Variants in ZNF717 observed in about 807,000 individuals in gnomAD.
ZNF717 encodes zinc finger protein 717.
Under a neutral mutation model 13.8 loss-of-function variants are expected in ZNF717, and 9 were observed. The ratio of observed to expected loss-of-function variants is 0.65; its 90% CI spans 0.39 to 1.14. The LOEUF (loss-of-function observed/expected upper bound fraction) is 1.14. Among genes scored for constraint, ZNF717 ranks in the 50% most tolerant of loss-of-function variants. The pLI is 0.01. For synonymous variants in ZNF717, 327 were observed against 364.1 expected (o/e 0.90, Z 1.16); for missense variants, 1,040 against 1,080.7 (o/e 0.96, Z 0.53).
intron 2 of ZNF717, among the ~76,000 whole-genome samples, chr3:75,759,469 AT>A (rs1942787765): frequency 8.8e-6 from 1 of 114,116 alleles, no homozygotes; most frequent in African/African-American, 2.9e-5. Context: ...TAGATACGGC[AT>A]TTCACTGTGT....
At chr3:75,754,320 TG>T (rs1387768526) in intron 2 of ZNF717, among the ~76,000 whole-genome samples, 1 of 146,754 alleles carries the variant, frequency 6.8e-6, no homozygotes, top group Non-Finnish European at 1.5e-5. Context: ...CCTGGAATTA[TG>T]GGGAAAAAAT....
intron 6 of ZNF717, among the ~76,000 whole-genome samples, chr3:75,699,693 C>T (rs1386042362): frequency 2.0e-5 from 3 of 152,368 alleles, no homozygotes; most frequent in African/African-American, 7.2e-5. Flanking sequence ...CCAATTAAAC[C>T]TATTTTCTTT....
chr3:75,701,937 C>A (rs1937705300), intron 6 of ZNF717, among the ~76,000 whole-genome samples: 1 of 152,386 alleles, frequency 6.6e-6, no homozygotes. Flanking sequence ...AATGAGATAT[C>A]ATTTCACCCC....
At chr3:75,755,389 T>A (rs1942384508) in intron 2 of ZNF717, among the ~76,000 whole-genome samples, 1 of 152,194 alleles carries the variant, frequency 6.6e-6, no homozygotes, top group South Asian at 2.1e-4. Context: ...ACAAGTGAAA[T>A]GAGTAACACT....
At chr3:75,733,000 G>A (rs1483154845), downstream of ZNF717, among the ~76,000 whole-genome samples, 3 of 152,168 alleles carry the variant, frequency 2.0e-5, no homozygotes, top group African/African-American at 7.2e-5. Context: ...TTCAAGAACA[G>A]ATAGGCAATG....
rs1945095343 is a variant in ZNF717, at chr3:75,785,432, CA to C, written c.-52del. ...CGCGATGCGCCCACGCGTCTGCTCC[CA>C]CAACTGGGGAACACTGGTCCGGCCC... On this transcript the variant is annotated 5_prime_UTR_variant, in exon 1 of 5. An upstream open reading frame in the 5' UTR gains an earlier in-frame stop. Coordinates refer to ENST00000652011, the MANE Select transcript of ZNF717 (RefSeq NM_001290208.3). 1 of 152,964 alleles carries C rather than the reference CA, an allele frequency of 6.5e-6. No individual in the cohort carries two copies. Among genetic ancestry groups the C allele is most frequent in the Non-Finnish European group, 1.5e-5 (1 of 68,640 alleles). The allele number at this position is 152,964 out of a possible 1,614,324, so 9.5% of individuals were successfully genotyped here. A position where few individuals can be genotyped will look rare whatever the true frequency, so the allele number is the denominator to read the frequency against.
downstream of ZNF717, chr3:75,732,129 A>C (rs1382823972): frequency 1.6e-5 from 11 of 702,816 alleles, no homozygotes; most frequent in Non-Finnish European, 2.9e-5. Context: ...CACCTTTGGG[A>C]AGGAAAAAGG....
chr3:75,728,704 A>C (rs1938353797), downstream of ZNF717, among the ~76,000 whole-genome samples: 1 of 152,218 alleles, frequency 6.6e-6, no homozygotes, highest in African/African-American at 2.4e-5. Context: ...GCTCTCTGCC[A>C]TTATTGTAAG....
chr3:75,768,040 C>T (rs546097865), intron 2 of ZNF717, among the ~76,000 whole-genome samples: 2 of 152,146 alleles, frequency 1.3e-5, no homozygotes, highest in African/African-American at 4.8e-5. Flanking sequence ...AAGGCACAAA[C>T]GCCATTCTCA....
intron 2 of ZNF717, among the ~76,000 whole-genome samples, chr3:75,746,627 G>A (rs1317884930): frequency 6.6e-6 from 1 of 152,148 alleles, no homozygotes; most frequent in Non-Finnish European, 1.5e-5. Flanking sequence ...TTTCTCTGAT[G>A]GCCAGTGATG....
downstream of ZNF717, among the ~76,000 whole-genome samples, chr3:75,731,517 C>T (rs1938548480): frequency 6.6e-6 from 1 of 151,426 alleles, no homozygotes; most frequent in Non-Finnish European, 1.5e-5. Flanking sequence ...GCTGAGATTG[C>T]ACCACTGCAC....
intron 2 of ZNF717, among the ~76,000 whole-genome samples, chr3:75,746,194 G>C (rs1305831856): frequency 6.6e-6 from 1 of 152,164 alleles, no homozygotes; most frequent in Non-Finnish European, 1.5e-5. Context: ...CCCTACAAAG[G>C]ACATGAACTT....
At chr3:75,730,052 A>G (rs1418432671) in exon 6 of ZNF717, 1 of 152,330 alleles carries the variant, frequency 6.6e-6, no homozygotes, top group Non-Finnish European at 1.5e-5. Flanking sequence ...CTACAGATAC[A>G]AAAAGCTGAG....
At chr3:75,702,385 C>A (rs1489357543) in intron 6 of ZNF717, among the ~76,000 whole-genome samples, 1 of 152,302 alleles carries the variant, frequency 6.6e-6, no homozygotes, top group African/African-American at 2.4e-5. Context: ...ACAAATGTGA[C>A]ACGTTCTCAC....
At chr3:75,701,536 G>A (rs1374837392) in intron 6 of ZNF717, among the ~76,000 whole-genome samples, 1 of 146,876 alleles carries the variant, frequency 6.8e-6, no homozygotes, top group Non-Finnish European at 1.5e-5. Flanking sequence ...AGGCATGGGG[G>A]CAAAATTTAG....
rs1939283562 is a variant in ZNF717, at chr3:75,736,742, A to G, written c.*136T>C. ...ATGGGAACAACAAAGCCTGCATGAT[A>G]GGACTTCTGTTACAGCATGGTTAAG... is the stretch of plus-strand genomic sequence containing the variant. On this transcript the variant is annotated 3_prime_UTR_variant, in exon 5 of 5. Coordinates refer to ENST00000652011, the MANE Select transcript of ZNF717 (RefSeq NM_001290208.3). 1 of 887,884 alleles carries G rather than the reference A, an allele frequency of 1.1e-6. No homozygotes were observed. Among genetic ancestry groups the G allele is most frequent in the African/African-American group, 1.7e-5 (1 of 58,534 alleles). The allele number at this position is 887,884 out of a possible 1,614,324, so 55.0% of individuals were successfully genotyped here.
downstream of ZNF717, among the ~76,000 whole-genome samples, chr3:75,733,903 C>T (rs1309890442): frequency 3.2e-3 from 484 of 149,110 alleles, 2 homozygotes; most frequent in Middle Eastern, 0.042. Context: ...GATTTCAGTG[C>T]CCTGTGAGAT....
chr3:75,759,928 T>A (rs1942831897), intron 2 of ZNF717, among the ~76,000 whole-genome samples: 1 of 152,246 alleles, frequency 6.6e-6, no homozygotes, highest in African/African-American at 2.4e-5. Context: ...GTTTCCGTTT[T>A]GGTATAGGTT....
At chr3:75,776,778 C>T (rs1944357215) in intron 2 of ZNF717, among the ~76,000 whole-genome samples, 2 of 152,140 alleles carry the variant, frequency 1.3e-5, no homozygotes, top group Admixed American at 6.5e-5. Context: ...CAGCTTTTAC[C>T]AAGATCACAG....
Sources: allele counts gnomAD v4.1 joint callset (sites outside exome capture counted in the v4.1 genomes callset), GRCh38; gene constraint gnomAD v4.1.1; transcripts MANE v1.5; gene names NCBI Gene and HGNC (gene_info 2026-07-23, HGNC 2026-07-21).